Variants in G3BP1 observed in about 807,000 individuals in gnomAD.
G3BP1 encodes G3BP stress granule assembly factor 1, also known as ras GTPase-activating protein-binding protein 1.
Under a neutral mutation model 58.6 loss-of-function variants are expected in G3BP1, and 35 were observed. That is an observed-to-expected ratio of 0.60 (90% CI 0.46 to 0.79). The LOEUF (loss-of-function observed/expected upper bound fraction) is 0.79. Ranked by LOEUF, G3BP1 falls within the 30% of genes least tolerant of loss-of-function variation. G3BP1 has a pLI of 0.00. For missense variants in G3BP1, 523 were observed against 580.8 expected (o/e 0.90, Z 1.02); for synonymous variants, 191 against 195.4 (o/e 0.98, Z 0.19).
chr5:151,802,561 C>T (rs1012598878), intron 11 of G3BP1, among the ~76,000 whole-genome samples: 1 of 152,216 alleles, frequency 6.6e-6, no homozygotes. Flanking sequence ...GTTACTTAAC[C>T]TCCCCGGCCC....
chr5:151,794,036 A>C, intron 4 of G3BP1, 123 bp from the exon 5 acceptor site: 1 of 626,408 alleles, frequency 1.6e-6, no homozygotes, highest in South Asian at 2.0e-5. Context: ...CAAAAACTGA[A>C]ATGTCTCCAG....
intron 1 of G3BP1, 58 bp downstream of exon 1, chr5:151,772,094 T>C (rs1402608341): frequency 6.6e-6 from 1 of 152,232 alleles, no homozygotes; most frequent in Non-Finnish European, 1.5e-5. Context: ...GCCGCAGCAC[T>C]TGTGAGAGGG....
At chr5:151,782,603 A>C (rs1368167213) in intron 1 of G3BP1, among the ~76,000 whole-genome samples, 1 of 152,200 alleles carries the variant, frequency 6.6e-6, no homozygotes, top group East Asian at 1.9e-4. Context: ...ATAGTTGTAG[A>C]AATTTTAAAA....
chr5:151,793,866 T>C (rs1183311701), intron 4 of G3BP1, among the ~76,000 whole-genome samples: 1 of 150,128 alleles, frequency 6.7e-6, no homozygotes, highest in African/African-American at 2.4e-5. Context: ...AAAGAGAAAT[T>C]AGCCTTGCAT....
chr5:151,784,206 G>A (rs1014485237), intron 1 of G3BP1, among the ~76,000 whole-genome samples: 3 of 151,998 alleles, frequency 2.0e-5, no homozygotes, highest in East Asian at 1.9e-4. Context: ...AGCATTCCTC[G>A]TGCCCCAGCC....
At chr5:151,787,005 G>A in intron 2 of G3BP1, 1 of 200,456 alleles carries the variant, frequency 5.0e-6, no homozygotes, top group Non-Finnish European at 9.9e-6. Context: ...ACCATGCCCG[G>A]CTAATTTTTG....
chr5:151,796,451 A>G (rs1762751553), intron 6 of G3BP1, among the ~76,000 whole-genome samples: 1 of 152,170 alleles, frequency 6.6e-6, no homozygotes, highest in African/African-American at 2.4e-5. Context: ...GTGTTTTTGT[A>G]GAGATGGGGT....
intron 4 of G3BP1, among the ~76,000 whole-genome samples, chr5:151,793,056 A>G (rs1414256359): frequency 1.3e-5 from 2 of 152,132 alleles, no homozygotes; most frequent in Non-Finnish European, 1.5e-5. Flanking sequence ...GTTTATATCA[A>G]TATTTTTGGA....
chr5:151,796,857 T>C (rs1762760034), intron 6 of G3BP1, among the ~76,000 whole-genome samples: 1 of 152,110 alleles, frequency 6.6e-6, no homozygotes, highest in Non-Finnish European at 1.5e-5. Flanking sequence ...ATAAACAGAC[T>C]ATACCCATTG....
chr5:151,800,193 A>G (rs1762827577), intron 9 of G3BP1, 25 bp from the exon 10 acceptor site: 1 of 1,608,992 alleles, frequency 6.2e-7, no homozygotes, highest in Non-Finnish European at 8.5e-7. Context: ...CTTGTCTTTC[A>G]TTGATGTTTT....
At chr5:151,783,341 A>G (rs541234559) in intron 1 of G3BP1, among the ~76,000 whole-genome samples, 2 of 152,208 alleles carry the variant, frequency 1.3e-5, no homozygotes, top group African/African-American at 4.8e-5. Context: ...TTATTACACT[A>G]TATAGATTCA....
chr5:151,800,721 T>C (rs765858765), intron 10 of G3BP1, 39 bp from the exon 11 acceptor site: 12 of 1,178,972 alleles, frequency 1.0e-5, no homozygotes, highest in Non-Finnish European at 1.1e-5. Flanking sequence ...TTAAAGATAA[T>C]GGTCTAAGTA....
chr5:151,808,815 A>G lies in G3BP1; in HGVS notation c.*4724A>G, dbSNP rs1762973338. On this transcript the variant is annotated 3_prime_UTR_variant, in exon 12 of 12. Coordinates refer to ENST00000356245, the MANE Select transcript of G3BP1 (RefSeq NM_005754.3). ...GGGGAAGGTTGCCTATATTTTTGAT[A>G]GTAATTAGATGGAAGATTAAATCCT... is the stretch of plus-strand genomic sequence containing the variant. The G allele has an allele frequency of 6.6e-6, 1 of 152,190 alleles. No homozygotes were observed. The allele number at this position is 152,190 out of a possible 1,614,324, so 9.4% of individuals were successfully genotyped here. A position where few individuals can be genotyped will look rare whatever the true frequency, so the allele number is the denominator to read the frequency against.
At chr5:151,786,328 A>T (rs1406861888) in intron 1 of G3BP1, among the ~76,000 whole-genome samples, 4 of 152,184 alleles carry the variant, frequency 2.6e-5, no homozygotes, top group African/African-American at 7.2e-5. Flanking sequence ...TATGTTGGAA[A>T]TATATACCTT....
chr5:151,802,850 G>A (rs954701402), intron 11 of G3BP1, among the ~76,000 whole-genome samples: 2 of 152,284 alleles, frequency 1.3e-5, no homozygotes, highest in Non-Finnish European at 2.9e-5. Context: ...GGAGAATGGC[G>A]TGAATCTGGG....
At chr5:151,778,447 T>A (rs937840939) in intron 1 of G3BP1, among the ~76,000 whole-genome samples, 1 of 152,172 alleles carries the variant, frequency 6.6e-6, no homozygotes, top group Non-Finnish European at 1.5e-5. Flanking sequence ...TAATTATTAA[T>A]TTTTTTGTTT....
chr5:151,788,028 G>A (rs905617884), intron 2 of G3BP1, among the ~76,000 whole-genome samples: 2 of 151,778 alleles, frequency 1.3e-5, no homozygotes, highest in African/African-American at 4.8e-5. Context: ...GGGCTCAGAC[G>A]ATCCTCCCAC....
chr5:151,790,699 AT>A (rs1749774393), intron 3 of G3BP1, among the ~76,000 whole-genome samples, 189 bp from the exon 4 acceptor site: 1 of 152,196 alleles, frequency 6.6e-6, no homozygotes, highest in Non-Finnish European at 1.5e-5. Flanking sequence ...CAGGACAGTT[AT>A]TTAAAAAACT....
rs536369706 is a variant in G3BP1, at chr5:151,810,205, A to G, written c.*6114A>G. The stretch of plus-strand genomic sequence containing the variant: ...ATGGAAGTGATGCTCCAGCCTTGCT[A>G]AAACACTGAGGGTCCTCCCGATAAG... On this transcript the variant is annotated 3_prime_UTR_variant, in exon 12 of 12. Transcript: ENST00000356245. The G allele has an allele frequency of 2.6e-5, 4 of 152,326 alleles. No homozygotes were observed. The East Asian group carries it at 5.8e-4, about 22-fold the overall frequency. The allele number at this position is 152,326 out of a possible 1,614,324, so 9.4% of individuals were successfully genotyped here. A position where few individuals can be genotyped will look rare whatever the true frequency, so the allele number is the denominator to read the frequency against.
Sources: gnomAD v4.1 joint callset for allele counts (sites outside exome capture counted in the v4.1 genomes callset) on GRCh38, gnomAD v4.1.1 for gene constraint, MANE v1.5 for transcripts, NCBI Gene and HGNC (gene_info 2026-07-23, HGNC 2026-07-21) for gene names.